Variants in SH3RF3 observed in about 807,000 individuals in gnomAD.
The protein encoded by SH3RF3 is SH3 domain containing ring finger 3.
A neutral mutation model predicts 66.3 loss-of-function variants in SH3RF3; 29 were observed. That is an observed-to-expected ratio of 0.44 (90% CI 0.33 to 0.60). The LOEUF (loss-of-function observed/expected upper bound fraction) is 0.60, where lower values mean the gene tolerates loss of function less well. SH3RF3 is among the 20% of genes least tolerant of loss of function. SH3RF3 has a pLI of 0.04. For synonymous variants in SH3RF3, 583 were observed against 532.0 expected (o/e 1.10, Z -1.32); for missense variants, 1,194 against 1,190.9 (o/e 1.00, Z -0.04).
intron 7 of SH3RF3, among the ~76,000 whole-genome samples, chr2:109,443,353 C>T (rs1677624398): frequency 6.6e-6 from 1 of 152,218 alleles, no homozygotes; most frequent in South Asian, 2.1e-4. Flanking sequence ...CCTATCGGCT[C>T]TATCCTCCTG....
chr2:109,217,601 T>A lies in SH3RF3; in HGVS notation c.573+87488T>A, dbSNP rs147574922. ...GACCTACCACATCCTGCATGTGTTATAAACAGAATCAGTCCACCAGAATGA... is the reference window on the plus strand; with the variant it reads ...GACCTACCACATCCTGCATGTGTTAAAAACAGAATCAGTCCACCAGAATGA... On this transcript the variant is annotated intron_variant, in intron 1 of 9. Coordinates refer to ENST00000309415, the MANE Select transcript of SH3RF3 (RefSeq NM_001099289.3). Among the ~76,000 whole-genome samples the A allele has an allele frequency of 4.2e-4, 64 of 152,348 alleles. No individual in the cohort carries two copies. In the East Asian group the frequency reaches 0.011, roughly 25 times the overall value.
At position 109,248,779 on chromosome 2, in the gene SH3RF3, TTCTG is replaced by T. The variant is rs1047071869; in HGVS notation, c.574-98891_574-98888del. Among the ~76,000 whole-genome samples, 457 of 151,768 alleles carry T rather than the reference TTCTG, an allele frequency of 3.0e-3. 3 individuals carry two copies. The highest frequency in any genetic ancestry group is 9.9e-3 in the African/African-American group (408 of 41,204). On this transcript the variant is annotated intron_variant, in intron 1 of 9. Transcript: ENST00000309415. ...TTCTCTCTCTCTCTCTTTCTCTTCT[TTCTG>T]TCTTTCTCTTTCTGTCTCTCTTTCT...
intron 7 of SH3RF3, among the ~76,000 whole-genome samples, chr2:109,437,413 C>T (rs1022869896): frequency 1.3e-5 from 2 of 151,842 alleles, no homozygotes; most frequent in Non-Finnish European, 1.5e-5. Flanking sequence ...AGTTCACTTG[C>T]CTTATCATGT....
intron 6 of SH3RF3, among the ~76,000 whole-genome samples, chr2:109,435,765 T>A (rs542174105): frequency 6.6e-6 from 1 of 152,362 alleles, no homozygotes; most frequent in African/African-American, 2.4e-5. Flanking sequence ...GCCCACTTTA[T>A]TTAGTTTTTA....
At chr2:109,194,031 C>G (rs914684836) in intron 1 of SH3RF3, among the ~76,000 whole-genome samples, 9 of 152,196 alleles carry the variant, frequency 5.9e-5, no homozygotes, top group Non-Finnish European at 7.3e-5. Flanking sequence ...TTAGAACAGT[C>G]TGTTCTGCCT....
chr2:109,474,988 T>C (rs1678645148), intron 8 of SH3RF3, among the ~76,000 whole-genome samples: 1 of 152,062 alleles, frequency 6.6e-6, no homozygotes, highest in African/African-American at 2.4e-5. Context: ...TTTGTTTGTT[T>C]GTTTTTTTGA....
chr2:109,178,655 C>T (rs2104974466), intron 1 of SH3RF3, among the ~76,000 whole-genome samples: 1 of 152,310 alleles, frequency 6.6e-6, no homozygotes, highest in Admixed American at 6.5e-5. Flanking sequence ...ATGGATCATG[C>T]TCCTCTTCCT....
At chr2:109,484,729 C>G (rs1469626941) in intron 8 of SH3RF3, among the ~76,000 whole-genome samples, 1 of 152,126 alleles carries the variant, frequency 6.6e-6, no homozygotes, top group Non-Finnish European at 1.5e-5. Context: ...AAGGGTATAA[C>G]AAAACTGAAG....
intron 1 of SH3RF3, among the ~76,000 whole-genome samples, chr2:109,293,208 A>G (rs76716929): frequency 0.033 from 5,008 of 152,264 alleles, 142 homozygotes; most frequent in Non-Finnish European, 0.048. Flanking sequence ...CTGCAGACAG[A>G]CTCAACTGCC....
rs886983569 is a variant in SH3RF3 at position 109,212,393 on chromosome 2, C to T, written c.573+82280C>T. ...GCTGGTTATACGTGACTATAAATCC[C>T]AACTTGGACAGTATTTCATTTAGAA... On this transcript the variant is annotated intron_variant, in intron 1 of 9. Coordinates refer to ENST00000309415, the MANE Select transcript of SH3RF3 (RefSeq NM_001099289.3). 5.3e-4 allele frequency among the ~76,000 whole-genome samples: 81 copies of T among 152,204 alleles called. 7 individuals carry two copies. Among genetic ancestry groups the T allele is most frequent in the African/African-American group, 2.4e-5 (1 of 41,438 alleles).
intron 1 of SH3RF3, among the ~76,000 whole-genome samples, chr2:109,171,245 A>G (rs189832584): frequency 2.2e-4 from 33 of 152,224 alleles, no homozygotes; most frequent in Non-Finnish European, 3.8e-4. Flanking sequence ...ATTTGCTTAC[A>G]TGTATTTGGT....
chr2:109,143,364 G>A (rs1677010888), intron 1 of SH3RF3, among the ~76,000 whole-genome samples: 2 of 152,186 alleles, frequency 1.3e-5, no homozygotes, highest in African/African-American at 4.8e-5. Context: ...AAAGCGAGAT[G>A]TGCAATCTCA....
At chr2:109,185,637 G>A (rs1212146609) in intron 1 of SH3RF3, among the ~76,000 whole-genome samples, 1 of 152,144 alleles carries the variant, frequency 6.6e-6, no homozygotes, top group South Asian at 2.1e-4. Context: ...CCCTGGACAG[G>A]ACAGCCCTCA....
At chr2:109,466,062 A>G (rs969904232) in intron 8 of SH3RF3, among the ~76,000 whole-genome samples, 16 of 140,202 alleles carry the variant, frequency 1.1e-4, no homozygotes, top group African/African-American at 2.6e-4. Flanking sequence ...CTTATCTGCT[A>G]CCTGTACATC....
intron 1 of SH3RF3, among the ~76,000 whole-genome samples, chr2:109,279,897 A>G (rs1345736523): frequency 1.3e-5 from 2 of 151,130 alleles, no homozygotes; most frequent in African/African-American, 4.9e-5. Flanking sequence ...AGAGAGGACA[A>G]GGGATGAGAG....
At position 109,265,046 on chromosome 2, in the gene SH3RF3, C is replaced by T. The variant is rs141441789; in HGVS notation, c.574-82628C>T. On this transcript the variant is annotated intron_variant, in intron 1 of 9. Transcript: ENST00000309415. ...GGGAACCTGGCCAGCTCTTGTGGAC[C>T]GCAGTCTAATTGGCCTGCTCCCTGC... Among the ~76,000 whole-genome samples the T allele has an allele frequency of 2.2e-3, 341 of 152,284 alleles. 1 individual carries two copies. Among genetic ancestry groups the T allele is most frequent in the African/African-American group, 7.8e-3 (324 of 41,556 alleles).
At position 109,387,861 on chromosome 2, in the gene SH3RF3, G is replaced by C. The variant is rs543823138; in HGVS notation, c.946-10729G>C. ...CAAAGCAACAGCCCCAGATGGTTGG[G>C]GGGGGGGTCTCCTCCCCCGGCCCAT... On this transcript the variant is annotated intron_variant, in intron 3 of 9. Coordinates refer to ENST00000309415, the MANE Select transcript of SH3RF3 (RefSeq NM_001099289.3). Among the ~76,000 whole-genome samples the C allele has an allele frequency of 6.7e-3, 873 of 131,110 alleles. 8 individuals carry two copies. Among genetic ancestry groups the C allele is most frequent in the South Asian group, 0.043 (178 of 4,182 alleles). The allele number at this position is 131,110 out of a possible 152,430, so 86.0% of individuals were successfully genotyped here.
At chr2:109,221,143 A>T (rs1679227289) in intron 1 of SH3RF3, among the ~76,000 whole-genome samples, 1 of 152,246 alleles carries the variant, frequency 6.6e-6, no homozygotes, top group Non-Finnish European at 1.5e-5. Flanking sequence ...GAAATAAGTG[A>T]GGTGCATACA....
At chr2:109,184,904 A>G (rs1419483167) in intron 1 of SH3RF3, among the ~76,000 whole-genome samples, 1 of 152,264 alleles carries the variant, frequency 6.6e-6, no homozygotes, top group Non-Finnish European at 1.5e-5. Context: ...GCCTCATCAA[A>G]CAACCAAGAA....
Sources: allele counts gnomAD v4.1 joint callset (sites outside exome capture counted in the v4.1 genomes callset), GRCh38; gene constraint gnomAD v4.1.1; transcripts MANE v1.5; gene names NCBI Gene and HGNC (gene_info 2026-07-23, HGNC 2026-07-21).